The following FSTL4 variants were observed in gnomAD, a reference collection of about 807,000 sequenced individuals.
FSTL4 encodes the protein follistatin like 4, also known as follistatin-related protein 4.
Under a neutral mutation model 78.2 loss-of-function variants are expected in FSTL4, and 28 were observed. The observed-to-expected ratio is 0.36, with a 90% confidence interval of 0.27 to 0.49. FSTL4 has a LOEUF of 0.49. FSTL4 is among the 20% of genes least tolerant of loss of function. The pLI is 0.98. For missense variants in FSTL4, 922 were observed against 1,084.9 expected (o/e 0.85, Z 2.11); for synonymous variants, 422 against 440.5 (o/e 0.96, Z 0.53).
the FSTL4 span, among the ~76,000 whole-genome samples, chr5:133,642,097 A>T: frequency 6.6e-6 from 1 of 152,154 alleles, no homozygotes; most frequent in Non-Finnish European, 1.5e-5. Flanking sequence ...CAGCTGTGTA[A>T]CCTGATTTCA....
intron 14 of FSTL4, among the ~76,000 whole-genome samples, chr5:133,204,232 G>A (rs1477492670): frequency 1.3e-5 from 2 of 152,330 alleles, no homozygotes; most frequent in East Asian, 3.9e-4. Flanking sequence ...AGAGTGCTGG[G>A]CAGCATTGGA....
chr5:133,233,651 C>T, intron 7 of FSTL4, 114 bp from the exon 8 acceptor site: 2 of 1,311,986 alleles, frequency 1.5e-6, no homozygotes, highest in African/African-American at 1.5e-5. Context: ...TCCTTTCTGC[C>T]TGGCCCTTGC....
the FSTL4 span, among the ~76,000 whole-genome samples, chr5:133,811,754 T>A: frequency 5.9e-5 from 9 of 152,182 alleles, no homozygotes; most frequent in African/African-American, 2.2e-4. Context: ...CCATTCCCCA[T>A]CTACCCTCAC....
chr5:133,780,505 G>A, the FSTL4 span, among the ~76,000 whole-genome samples: 2 of 151,852 alleles, frequency 1.3e-5, no homozygotes, highest in Non-Finnish European at 2.9e-5. Context: ...TGTATTGTTG[G>A]GGTCTCCCAC....
intron 8 of FSTL4, 112 bp downstream of exon 8, chr5:133,233,305 T>A: frequency 8.7e-7 from 1 of 1,146,088 alleles, no homozygotes; most frequent in African/African-American, 1.5e-5. Context: ...TGATATATTT[T>A]GGGGTTAGAT....
chr5:133,570,572 T>C (rs922107798), intron 2 of FSTL4, among the ~76,000 whole-genome samples: 2 of 152,206 alleles, frequency 1.3e-5, no homozygotes, highest in Non-Finnish European at 2.9e-5. Flanking sequence ...CCAATGCCTA[T>C]GCACACAGCA....
At chr5:133,421,806 G>A (rs1756702938) in intron 3 of FSTL4, among the ~76,000 whole-genome samples, 1 of 152,200 alleles carries the variant, frequency 6.6e-6, no homozygotes, top group Non-Finnish European at 1.5e-5. Context: ...TATTGAGTGT[G>A]TGCCAGGCCA....
At chr5:133,710,237 C>T in the FSTL4 span, among the ~76,000 whole-genome samples, 1 of 152,202 alleles carries the variant, frequency 6.6e-6, no homozygotes, top group African/African-American at 2.4e-5. Context: ...CCATGACAAT[C>T]ATTGGTTGCA....
the FSTL4 span, among the ~76,000 whole-genome samples, chr5:133,820,186 CACAGAG>C: frequency 6.6e-6 from 1 of 152,052 alleles, no homozygotes; most frequent in Non-Finnish European, 1.5e-5. Context: ...AGTCCTTCCC[CACAGAG>C]CAGCACAGCT....
chr5:133,252,029 T>G (rs1364924908), intron 6 of FSTL4: 1 of 152,390 alleles, frequency 6.6e-6, no homozygotes, highest in Non-Finnish European at 1.5e-5. Flanking sequence ...ACCACCACGC[T>G]GCTTCCCTGG....
chr5:133,602,680 A>G (rs1451629319), intron 2 of FSTL4, among the ~76,000 whole-genome samples: 3 of 152,190 alleles, frequency 2.0e-5, no homozygotes, highest in Non-Finnish European at 2.9e-5. Flanking sequence ...AGAGCATTAA[A>G]TTGCGTCCTT....
At chr5:133,360,451 T>TA (rs1435290082) in intron 4 of FSTL4, among the ~76,000 whole-genome samples, 2 of 150,790 alleles carry the variant, frequency 1.3e-5, no homozygotes, top group East Asian at 3.9e-4. Flanking sequence ...TAGTGTCTCT[T>TA]AGAGTTTGTT....
intron 6 of FSTL4, among the ~76,000 whole-genome samples, chr5:133,275,198 A>G (rs183701156): frequency 1.3e-5 from 2 of 151,896 alleles, no homozygotes; most frequent in African/African-American, 4.8e-5. Flanking sequence ...CATGAAGTGG[A>G]GGTTGCAATG....
the FSTL4 span, among the ~76,000 whole-genome samples, chr5:133,773,025 TTAA>T: frequency 6.6e-6 from 1 of 152,072 alleles, no homozygotes; most frequent in African/African-American, 2.4e-5. Flanking sequence ...ATTATTATTA[TTAA>T]ATTATCAATT....
intron 3 of FSTL4, among the ~76,000 whole-genome samples, chr5:133,466,738 G>A (rs777054222): frequency 2.1e-4 from 32 of 152,158 alleles, no homozygotes; most frequent in Non-Finnish European, 2.9e-4. Flanking sequence ...TCACAATCTG[G>A]CAAGGGCAAC....
intron 5 of FSTL4, among the ~76,000 whole-genome samples, chr5:133,313,046 G>A (rs1417348907): frequency 6.6e-6 from 1 of 152,188 alleles, no homozygotes; most frequent in Non-Finnish European, 1.5e-5. Context: ...CCTTGTCTAG[G>A]CAGACAGACC....
chr5:133,621,399 C>CA, the FSTL4 span, among the ~76,000 whole-genome samples: 4 of 148,898 alleles, frequency 2.7e-5, no homozygotes, highest in African/African-American at 4.9e-5. Context: ...GACTCCGTCT[C>CA]AAAAAAACAC....
At chr5:133,283,377 C>T (rs541481418) in intron 6 of FSTL4, among the ~76,000 whole-genome samples, 7 of 152,174 alleles carry the variant, frequency 4.6e-5, no homozygotes, top group African/African-American at 1.7e-4. Flanking sequence ...TGACCTGGGC[C>T]CTGTCTTGGA....
At chr5:133,387,141 G>T (rs995522465) in intron 4 of FSTL4, among the ~76,000 whole-genome samples, 4 of 152,112 alleles carry the variant, frequency 2.6e-5, no homozygotes, top group Non-Finnish European at 5.9e-5. Context: ...CCTGTACCTG[G>T]TTGTTCATGT....
Sources: allele counts gnomAD v4.1 joint callset (sites outside exome capture counted in the v4.1 genomes callset), GRCh38; gene constraint gnomAD v4.1.1; transcripts MANE v1.5; gene names NCBI Gene and HGNC (gene_info 2026-07-23, HGNC 2026-07-21).